PRP4K: variants seen among roughly 807,000 people sequenced by gnomAD.
The protein encoded by PRP4K is pre-mRNA processing factor kinase PRP4K.
the PRP4K span, chr6:4,040,629 G>T: frequency 1.2e-6 from 1 of 859,714 alleles, no homozygotes; most frequent in Non-Finnish European, 1.7e-6. Context: ...TTAAAAAATA[G>T]ACTATATTTT....
chr6:4,021,348 T>A, the PRP4K span: 1 of 1,545,442 alleles, frequency 6.5e-7, no homozygotes, highest in Non-Finnish European at 8.8e-7. Context: ...GCAGCTCTTT[T>A]CCTTCTTCCT....
At chr6:4,042,483 T>C in the PRP4K span, 1 of 1,603,092 alleles carries the variant, frequency 6.2e-7, no homozygotes, top group Middle Eastern at 1.7e-4. Context: ...AATTTTTCTT[T>C]AAGCCTTGAA....
At chr6:4,021,499 G>A in the PRP4K span, 1 of 1,567,428 alleles carries the variant, frequency 6.4e-7, no homozygotes, top group South Asian at 1.2e-5. Flanking sequence ...CCAGAAGCTG[G>A]AGCCCGGGGA....
chr6:4,040,693 T>A, the PRP4K span: 37 of 1,381,076 alleles, frequency 2.7e-5, no homozygotes, highest in Non-Finnish European at 3.1e-5. Flanking sequence ...TTTCTATATA[T>A]CCCCTGTGCC....
the PRP4K span, among the ~76,000 whole-genome samples, chr6:4,042,904 T>G: frequency 4.6e-5 from 7 of 152,184 alleles, no homozygotes; most frequent in Non-Finnish European, 7.3e-5. Flanking sequence ...AGCAAAAAAT[T>G]ATGCATGTTA....
At chr6:4,053,715 G>A in the PRP4K span, among the ~76,000 whole-genome samples, 1 of 152,064 alleles carries the variant, frequency 6.6e-6, no homozygotes, top group African/African-American at 2.4e-5. Context: ...GCAACTTGGA[G>A]AATTCCAGCT....
the PRP4K span, among the ~76,000 whole-genome samples, chr6:4,028,355 A>G: frequency 6.6e-6 from 1 of 151,972 alleles, no homozygotes; most frequent in Non-Finnish European, 1.5e-5. Flanking sequence ...CTACAAGCAC[A>G]TGCTGCCATA....
At chr6:4,029,298 C>G in the PRP4K span, among the ~76,000 whole-genome samples, 1 of 146,878 alleles carries the variant, frequency 6.8e-6, no homozygotes, top group Admixed American at 6.9e-5. Flanking sequence ...TTTTTCCCTT[C>G]TTGTTAATTC....
the PRP4K span, among the ~76,000 whole-genome samples, chr6:4,023,890 C>T: frequency 1.1e-3 from 155 of 142,704 alleles, 2 homozygotes; most frequent in East Asian, 0.028. Context: ...TTTTTTGAGA[C>T]GGAGTTTCAC....
the PRP4K span, among the ~76,000 whole-genome samples, chr6:4,040,506 C>T: frequency 2.0e-5 from 3 of 152,312 alleles, no homozygotes; most frequent in South Asian, 6.2e-4. Flanking sequence ...GGAAGAATTT[C>T]TTAGTTCAGA....
chr6:4,021,321 C>T, the PRP4K span: 1 of 1,465,922 alleles, frequency 6.8e-7, no homozygotes, highest in Non-Finnish European at 9.3e-7. Flanking sequence ...CTTCCCTACA[C>T]GGTCGGCACA....
At chr6:4,024,013 C>T in the PRP4K span, among the ~76,000 whole-genome samples, 62 of 151,986 alleles carry the variant, frequency 4.1e-4, 1 homozygote, top group African/African-American at 1.2e-3. Context: ...ATTACAGGCA[C>T]GTACCACCAC....
chr6:4,032,128 G>T, the PRP4K span: 18 of 1,613,092 alleles, frequency 1.1e-5, no homozygotes, highest in South Asian at 8.8e-5. Context: ...AGTAAGGGGG[G>T]TATTGAAATC....
the PRP4K span, among the ~76,000 whole-genome samples, chr6:4,022,678 G>A: frequency 6.6e-6 from 1 of 152,032 alleles, no homozygotes; most frequent in Non-Finnish European, 1.5e-5. Context: ...TTTAATTAAG[G>A]GCTTTTCAAA....
the PRP4K span, among the ~76,000 whole-genome samples, chr6:4,053,225 C>T: frequency 7.9e-5 from 12 of 152,294 alleles, no homozygotes; most frequent in Admixed American, 2.0e-4. Context: ...TGTCCGTACT[C>T]TTCTGTTTGC....
chr6:4,038,759 A>G, the PRP4K span, among the ~76,000 whole-genome samples: 1 of 152,008 alleles, frequency 6.6e-6, no homozygotes, highest in Non-Finnish European at 1.5e-5. Context: ...GCTGATCTCA[A>G]GACTTGCTTT....
the PRP4K span, among the ~76,000 whole-genome samples, chr6:4,024,178 T>G: frequency 2.6e-5 from 4 of 152,196 alleles, no homozygotes; most frequent in African/African-American, 9.6e-5. Flanking sequence ...CCTAGCTAAT[T>G]TTTAAGTATT....
the PRP4K span, among the ~76,000 whole-genome samples, chr6:4,051,797 A>G: frequency 6.6e-6 from 1 of 152,350 alleles, no homozygotes; most frequent in South Asian, 2.1e-4. Context: ...TGAATGATAT[A>G]TAGAGACACC....
chr6:4,028,265 C>A, the PRP4K span, among the ~76,000 whole-genome samples: 1 of 152,020 alleles, frequency 6.6e-6, no homozygotes, highest in Non-Finnish European at 1.5e-5. Context: ...TCATGACTCA[C>A]TGCAGCCTTT....
Sources: allele counts gnomAD v4.1 joint callset (sites outside exome capture counted in the v4.1 genomes callset), GRCh38; gene constraint gnomAD v4.1.1; transcripts MANE v1.5; gene names NCBI Gene and HGNC (gene_info 2026-07-23, HGNC 2026-07-21).